EYA2: variants seen among roughly 807,000 people sequenced by gnomAD.
EYA2 encodes the protein EYA transcriptional coactivator and phosphatase 2.
EYA2 carries 31 observed loss-of-function variants against 69.2 expected under a neutral mutation model. That is an observed-to-expected ratio of 0.45 (90% CI 0.34 to 0.60). The LOEUF is 0.60. Among genes scored for constraint, EYA2 ranks in the 20% least tolerant of loss-of-function variants. EYA2 has a pLI of 0.02. For synonymous variants in EYA2, 257 were observed against 279.4 expected (o/e 0.92, Z 0.80); for missense variants, 622 against 701.2 (o/e 0.89, Z 1.28).
At chr20:47,156,135 T>C (rs1218555635) in intron 10 of EYA2, among the ~76,000 whole-genome samples, 1,289 of 7,340 alleles carry the variant, frequency 0.18, 15 homozygotes, top group Non-Finnish European at 0.2. Flanking sequence ...CACATATATA[T>C]ATATATATAT....
chr20:47,123,200 A>G (rs6018289), intron 9 of EYA2, among the ~76,000 whole-genome samples: 28,176 of 152,040 alleles, frequency 0.19, 2,755 homozygotes, highest in Middle Eastern at 0.32. Context: ...GTACACATTC[A>G]TGGGGTACAT....
intron 1 of EYA2, among the ~76,000 whole-genome samples, chr20:46,960,628 A>G (rs537772511): frequency 5.9e-5 from 9 of 152,312 alleles, no homozygotes; most frequent in African/African-American, 2.2e-4. Context: ...CTCATAGGCC[A>G]AATCCAATCC....
chr20:47,042,044 C>G (rs1247383536), intron 5 of EYA2, among the ~76,000 whole-genome samples: 1 of 151,954 alleles, frequency 6.6e-6, no homozygotes, highest in Non-Finnish European at 1.5e-5. Flanking sequence ...AAATTATAGC[C>G]AAGTATCCAA....
intron 1 of EYA2, among the ~76,000 whole-genome samples, chr20:46,897,290 A>T (rs1366821496): frequency 1.3e-5 from 2 of 152,216 alleles, no homozygotes; most frequent in African/African-American, 4.8e-5. Context: ...TCTGTGGTGT[A>T]GCTAAGTACA....
At chr20:46,942,535 C>T (rs1986201437) in intron 1 of EYA2, among the ~76,000 whole-genome samples, 1 of 152,154 alleles carries the variant, frequency 6.6e-6, no homozygotes, top group Admixed American at 6.5e-5. Flanking sequence ...TAAAAGGGAA[C>T]ACCTCAAAAG....
chr20:46,951,405 G>A (rs1048724319), intron 1 of EYA2, among the ~76,000 whole-genome samples: 5 of 152,112 alleles, frequency 3.3e-5, no homozygotes, highest in Admixed American at 6.5e-5. Context: ...TCTCTAAGTC[G>A]TTTGCTAGCC....
intron 9 of EYA2, among the ~76,000 whole-genome samples, chr20:47,102,616 A>G (rs2032455734): frequency 6.6e-6 from 1 of 152,186 alleles, no homozygotes; most frequent in Non-Finnish European, 1.5e-5. Flanking sequence ...GAATGATTCA[A>G]AATAGGTTGT....
chr20:47,096,093 A>G (rs1028333892), intron 8 of EYA2: 1 of 152,242 alleles, frequency 6.6e-6, no homozygotes, highest in African/African-American at 2.4e-5. Context: ...TACATCAGAC[A>G]GGTATGATAC....
At chr20:47,101,455 G>A (rs756647886) in intron 9 of EYA2, among the ~76,000 whole-genome samples, 5 of 152,188 alleles carry the variant, frequency 3.3e-5, no homozygotes, top group Non-Finnish European at 7.3e-5. Context: ...CTATTGGGCA[G>A]AACTTGGTCA....
At chr20:47,146,016 C>T (rs1395691119) in intron 10 of EYA2, among the ~76,000 whole-genome samples, 10 of 151,930 alleles carry the variant, frequency 6.6e-5, no homozygotes, top group African/African-American at 2.2e-4. Flanking sequence ...GGTAGGAAGA[C>T]GTGGACTTGA....
At chr20:47,136,818 C>G (rs2033487605) in intron 9 of EYA2, among the ~76,000 whole-genome samples, 1 of 152,110 alleles carries the variant, frequency 6.6e-6, no homozygotes, top group Non-Finnish European at 1.5e-5. Flanking sequence ...TCCATAGCCT[C>G]TCTCCTGAAG....
In EYA2 at chr20:46,939,222, A is replaced by G. The variant is rs544758611; in HGVS notation, c.-11+44235A>G. 1.9e-4 allele frequency among the ~76,000 whole-genome samples: 29 copies of G among 152,302 alleles called. No individual in the cohort carries two copies. The South Asian group carries it at 5.0e-3, about 26-fold the overall frequency. On this transcript the variant is annotated intron_variant, in intron 1 of 15. Coordinates refer to ENST00000327619, the MANE Select transcript of EYA2 (RefSeq NM_005244.5). Reference sequence around the variant, plus strand: ...TGTGACCGAAGCTGGGCCAATCAGAATAATTCCTGAATTTTAGCTGGGACT... The same window carrying G: ...TGTGACCGAAGCTGGGCCAATCAGAGTAATTCCTGAATTTTAGCTGGGACT...
In EYA2 at chr20:47,023,628, G is replaced by T. The variant is rs1265799039; in HGVS notation, c.415+7331G>T. Among the ~76,000 whole-genome samples the T allele has an allele frequency of 8.6e-5, 8 of 93,566 alleles. No homozygotes were observed. The East Asian group carries it at 1.9e-3, about 22-fold the overall frequency. The allele number at this position is 93,566 out of a possible 152,430, so 61.4% of individuals were successfully genotyped here. On this transcript the variant is annotated intron_variant, in intron 5 of 15. Transcript: ENST00000327619. Reference sequence around the variant, plus strand: ...TTTTCATCTCCAGAAGTTTGATTTTGGGTGTTTTTTTTTTTTTTTTTTTTT... The same window carrying T: ...TTTTCATCTCCAGAAGTTTGATTTTTGGTGTTTTTTTTTTTTTTTTTTTTT...
intron 9 of EYA2, among the ~76,000 whole-genome samples, chr20:47,105,958 G>A (rs1330630752): frequency 6.6e-6 from 1 of 152,210 alleles, no homozygotes; most frequent in Non-Finnish European, 1.5e-5. Context: ...AATGGGAACA[G>A]TTTCCAATCA....
chr20:46,895,949 T>C (rs1175338520), intron 1 of EYA2, among the ~76,000 whole-genome samples: 2 of 152,216 alleles, frequency 1.3e-5, no homozygotes, highest in African/African-American at 4.8e-5. Flanking sequence ...CGGTCTGAAT[T>C]CTTTTTAAAA....
chr20:47,179,063 ATTT>A (rs962595357), intron 12 of EYA2, among the ~76,000 whole-genome samples: 2 of 151,984 alleles, frequency 1.3e-5, no homozygotes, highest in African/African-American at 4.8e-5. Context: ...AATGTTCATC[ATTT>A]TTTATGTTAT....
chr20:47,056,799 A>G (rs749786844), intron 5 of EYA2, among the ~76,000 whole-genome samples: 3 of 152,106 alleles, frequency 2.0e-5, no homozygotes, highest in Non-Finnish European at 2.9e-5. Flanking sequence ...AATCCCAGAA[A>G]TTTGGGAGGC....
At chr20:46,981,484 G>T (rs1035355321) in intron 1 of EYA2, among the ~76,000 whole-genome samples, 5 of 152,156 alleles carry the variant, frequency 3.3e-5, no homozygotes, top group African/African-American at 1.2e-4. Context: ...GGCTTTATTA[G>T]TGCTGTTCAT....
At chr20:46,976,530 T>C (rs1435286808) in intron 1 of EYA2, among the ~76,000 whole-genome samples, 6 of 152,010 alleles carry the variant, frequency 3.9e-5, no homozygotes, top group Non-Finnish European at 1.5e-5. Flanking sequence ...GGACTACAGG[T>C]GCCCGCCACC....
Sources: gnomAD v4.1 joint callset for allele counts (sites outside exome capture counted in the v4.1 genomes callset) on GRCh38, gnomAD v4.1.1 for gene constraint, MANE v1.5 for transcripts, NCBI Gene and HGNC (gene_info 2026-07-23, HGNC 2026-07-21) for gene names.